DLG2: variants seen among roughly 807,000 people sequenced by gnomAD.
The protein encoded by DLG2 is disks large homolog 2.
DLG2 carries 45 observed loss-of-function variants against 132.5 expected under a neutral mutation model. The observed-to-expected ratio is 0.34, with a 90% CI of 0.27 to 0.44. The LOEUF is 0.44. Ranked by LOEUF, DLG2 falls within the 20% of genes least tolerant of loss-of-function variation. The probability of loss-of-function intolerance (pLI) is 1.00; values close to 1 mark genes in which losing one functional copy is unlikely to be tolerated. For missense variants in DLG2, 1,045 were observed against 1,196.9 expected, an observed-to-expected ratio of 0.87 and a Z score of 1.87; for synonymous variants, 424 against 419.6, an observed-to-expected ratio of 1.01 and a Z score of -0.13.
At chr11:83,673,940 T>C (rs1355368822) in intron 18 of DLG2, among the ~76,000 whole-genome samples, 1 of 152,262 alleles carries the variant, frequency 6.6e-6, no homozygotes, top group Admixed American at 6.5e-5. Context: ...CTGACCTGTC[T>C]TTCCAGACAA....
rs553367674 is a variant in DLG2 at position 84,331,294 on chromosome 11, C to T, written c.520-80003G>A. Reference sequence around the variant, plus strand: ...CCTGAAAGTCCCAATGTTATTATTCCCATTTCTGGGGTAAAGAAATTGAGG... The same window carrying T: ...CCTGAAAGTCCCAATGTTATTATTCTCATTTCTGGGGTAAAGAAATTGAGG... On this transcript the variant is annotated intron_variant, in intron 7 of 27. Coordinates refer to ENST00000376104, the MANE Select transcript of DLG2 (RefSeq NM_001142699.3). Among the ~76,000 whole-genome samples the T allele has an allele frequency of 5.3e-5, 8 of 151,966 alleles. No homozygotes were observed. The South Asian group carries it at 1.7e-3, about 32-fold the overall frequency.
At chr11:84,547,559 C>T (rs904584328) in intron 6 of DLG2, among the ~76,000 whole-genome samples, 1 of 152,168 alleles carries the variant, frequency 6.6e-6, no homozygotes, top group South Asian at 2.1e-4. Context: ...TTGATGTCTT[C>T]TCTACCTCTC....
intron 6 of DLG2, among the ~76,000 whole-genome samples, chr11:84,537,349 G>A (rs369450383): frequency 6.6e-6 from 1 of 151,866 alleles, no homozygotes; most frequent in Middle Eastern, 3.2e-3. Context: ...CAGGTGATCC[G>A]TCCACCTCAG....
intron 6 of DLG2, among the ~76,000 whole-genome samples, chr11:84,728,350 T>C (rs1175676577): frequency 1.3e-5 from 2 of 152,198 alleles, no homozygotes; most frequent in African/African-American, 2.4e-5. Context: ...GAGATAATCA[T>C]GTGGTTTTTG....
chr11:85,205,239 G>T (rs1311002992), intron 4 of DLG2, among the ~76,000 whole-genome samples: 1 of 150,652 alleles, frequency 6.6e-6, no homozygotes, highest in Non-Finnish European at 1.5e-5. Flanking sequence ...GCAGCAACAT[G>T]GATAGAAATG....
intron 6 of DLG2, among the ~76,000 whole-genome samples, chr11:84,727,643 T>C (rs575337500): frequency 2.0e-5 from 3 of 152,066 alleles, no homozygotes; most frequent in Admixed American, 6.6e-5. Flanking sequence ...AGAAAGTCAG[T>C]GGTAGGTTGA....
chr11:84,535,235 A>T (rs1401970336), intron 6 of DLG2, among the ~76,000 whole-genome samples: 1 of 152,240 alleles, frequency 6.6e-6, no homozygotes, highest in East Asian at 1.9e-4. Flanking sequence ...TGTCACCCAC[A>T]TTATTTGTAT....
At chr11:84,178,727 C>T (rs1221266614) in intron 8 of DLG2, among the ~76,000 whole-genome samples, 2 of 150,702 alleles carry the variant, frequency 1.3e-5, no homozygotes, top group African/African-American at 4.9e-5. Flanking sequence ...GCTTCAAAAA[C>T]AACAACAACA....
chr11:83,850,814 A>G (rs2059607363), intron 16 of DLG2, among the ~76,000 whole-genome samples: 1 of 152,212 alleles, frequency 6.6e-6, no homozygotes, highest in Non-Finnish European at 1.5e-5. Flanking sequence ...ACAAAGCTAT[A>G]CAAGAGCTCT....
At chr11:84,731,585 G>A (rs2063158871) in intron 6 of DLG2, among the ~76,000 whole-genome samples, 1 of 151,748 alleles carries the variant, frequency 6.6e-6, no homozygotes, top group Non-Finnish European at 1.5e-5. Flanking sequence ...AAGAATATGT[G>A]GTACCAGCAA....
At chr11:85,203,093 G>C (rs1295627488) in intron 4 of DLG2, among the ~76,000 whole-genome samples, 1 of 150,804 alleles carries the variant, frequency 6.6e-6, no homozygotes, top group Non-Finnish European at 1.5e-5. Flanking sequence ...CATAGGTTTT[G>C]GTGTGGTGTT....
chr11:84,936,733 T>TA (rs954976582), intron 6 of DLG2: 1 of 152,142 alleles, frequency 6.6e-6, no homozygotes, highest in Non-Finnish European at 1.5e-5. Flanking sequence ...TTTTGAAATT[T>TA]AAAAAAAGGT....
At chr11:83,790,793 G>A in intron 17 of DLG2, 1 of 756,768 alleles carries the variant, frequency 1.3e-6, no homozygotes, top group East Asian at 2.4e-5. Context: ...CATCTTCGGG[G>A]AAAGAGCGCC....
intron 3 of DLG2, among the ~76,000 whole-genome samples, chr11:85,531,795 C>A (rs1434515358): frequency 5.3e-5 from 8 of 152,202 alleles, no homozygotes; most frequent in Non-Finnish European, 1.0e-4. Context: ...TCTTTCTTAC[C>A]CTGGAGTTCA....
At chr11:84,545,179 G>C (rs1299901650) in intron 6 of DLG2, 18 of 455,156 alleles carry the variant, frequency 4.0e-5, no homozygotes, top group Non-Finnish European at 6.9e-5. Context: ...GGAACCACGA[G>C]AGCCTCCTTG....
At chr11:85,545,790 G>A (rs1301144778) in intron 3 of DLG2, among the ~76,000 whole-genome samples, 1 of 152,162 alleles carries the variant, frequency 6.6e-6, no homozygotes. Flanking sequence ...GGTGTTTATA[G>A]TATTCTCTGA....
chr11:84,847,374 C>T (rs898074130), intron 6 of DLG2, among the ~76,000 whole-genome samples: 2 of 152,054 alleles, frequency 1.3e-5, no homozygotes, highest in African/African-American at 4.8e-5. Context: ...AGCCAATGAA[C>T]TTGTCTATTT....
chr11:85,473,547 T>A (rs1417703356), intron 3 of DLG2, among the ~76,000 whole-genome samples: 1 of 152,074 alleles, frequency 6.6e-6, no homozygotes, highest in Non-Finnish European at 1.5e-5. Flanking sequence ...AATTAGCAAA[T>A]ATGAGTATAT....
intron 18 of DLG2, among the ~76,000 whole-genome samples, chr11:83,720,067 C>T (rs572886995): frequency 6.6e-6 from 1 of 151,626 alleles, no homozygotes; most frequent in African/African-American, 2.4e-5. Context: ...CCGAGGTGGA[C>T]GGATCACCTG....
Sources: allele counts gnomAD v4.1 joint callset (sites outside exome capture counted in the v4.1 genomes callset), GRCh38; gene constraint gnomAD v4.1.1; transcripts MANE v1.5; gene names NCBI Gene and HGNC (gene_info 2026-07-23, HGNC 2026-07-21).